The following RANBP2 variants were observed in gnomAD, a reference collection of about 807,000 sequenced individuals.
RANBP2 encodes the protein E3 SUMO-protein ligase RanBP2.
A neutral mutation model predicts 303.6 loss-of-function variants in RANBP2; 57 were observed. The observed-to-expected ratio is 0.19, with a 90% CI of 0.15 to 0.23. The LOEUF (loss-of-function observed/expected upper bound fraction) is 0.23. RANBP2 is among the 10% of genes least tolerant of loss of function. RANBP2 has a pLI of 1.00. For synonymous variants in RANBP2, 1,167 were observed against 1,301.5 expected (o/e 0.90, Z 2.23); for missense variants, 3,138 against 3,780.8 (o/e 0.83, Z 4.46).
At chr2:109,363,968 C>G in the RANBP2 span, among the ~76,000 whole-genome samples, 347 of 152,128 alleles carry the variant, frequency 2.3e-3, 1 homozygote, top group African/African-American at 7.5e-3. Context: ...GCTTGTTGTT[C>G]TCTGAGCTTC....
At chr2:109,067,971 G>C in the RANBP2 span, among the ~76,000 whole-genome samples, 1 of 152,176 alleles carries the variant, frequency 6.6e-6, no homozygotes, top group Non-Finnish European at 1.5e-5. Context: ...CTGCTCTGGG[G>C]ACTTTGCTCT....
chr2:109,049,544 A>G, the RANBP2 span, among the ~76,000 whole-genome samples: 1 of 152,168 alleles, frequency 6.6e-6, no homozygotes. Flanking sequence ...AGGAGCAGGC[A>G]TGGCCAGGCT....
chr2:108,872,919 A>G, the RANBP2 span, among the ~76,000 whole-genome samples: 2 of 152,212 alleles, frequency 1.3e-5, no homozygotes, highest in Admixed American at 6.5e-5. Flanking sequence ...ATAAAAGTCC[A>G]GAGTCTCATC....
chr2:109,540,928 A>G, the RANBP2 span, among the ~76,000 whole-genome samples: 2 of 152,202 alleles, frequency 1.3e-5, no homozygotes, highest in African/African-American at 2.4e-5. Context: ...AACTACATAC[A>G]GCTGCTTTTT....
chr2:109,554,017 A>G, the RANBP2 span, among the ~76,000 whole-genome samples: 3 of 152,248 alleles, frequency 2.0e-5, no homozygotes, highest in African/African-American at 4.8e-5. Context: ...TTCGTATGGT[A>G]TATTTCTGGT....
the RANBP2 span, among the ~76,000 whole-genome samples, chr2:108,840,549 G>A: frequency 2.0e-5 from 3 of 152,274 alleles, no homozygotes; most frequent in Non-Finnish European, 4.4e-5. Context: ...TCGATGATTT[G>A]TAGTAGTTTG....
the RANBP2 span, among the ~76,000 whole-genome samples, chr2:108,984,229 C>A: frequency 1.3e-5 from 2 of 152,082 alleles, no homozygotes; most frequent in Middle Eastern, 3.2e-3. Context: ...TGCACCTCAG[C>A]CAAGCCAACT....
the RANBP2 span, among the ~76,000 whole-genome samples, chr2:108,942,271 A>G: frequency 2.6e-5 from 4 of 152,246 alleles, no homozygotes; most frequent in African/African-American, 9.6e-5. Context: ...CTAAGGTCAC[A>G]CAGACAGAGG....
the RANBP2 span, chr2:109,371,547 G>T: frequency 6.4e-7 from 1 of 1,560,922 alleles, no homozygotes; most frequent in Non-Finnish European, 8.8e-7. Flanking sequence ...TTGTGTGTGT[G>T]TCCGTATGCT....
chr2:108,728,354 C>T (rs1573693872), intron 1 of RANBP2, among the ~76,000 whole-genome samples: 2 of 152,272 alleles, frequency 1.3e-5, no homozygotes, highest in Admixed American at 1.3e-4. Flanking sequence ...AGTGCAGTGT[C>T]ACAGTCATAA....
chr2:108,932,964 C>T, the RANBP2 span, among the ~76,000 whole-genome samples: 1 of 152,164 alleles, frequency 6.6e-6, no homozygotes, highest in East Asian at 1.9e-4. Context: ...CCGAGTACAA[C>T]AGCACATGCC....
At chr2:109,352,787 G>T in the RANBP2 span, among the ~76,000 whole-genome samples, 144 of 152,332 alleles carry the variant, frequency 9.5e-4, 1 homozygote, top group African/African-American at 3.2e-3. Flanking sequence ...AACTCGCAGG[G>T]CACGGGGCAG....
chr2:109,396,837 C>T, the RANBP2 span, among the ~76,000 whole-genome samples: 1 of 152,240 alleles, frequency 6.6e-6, no homozygotes, highest in Non-Finnish European at 1.5e-5. Context: ...CCCCAGGTAG[C>T]CTGCACTTCC....
the RANBP2 span, among the ~76,000 whole-genome samples, chr2:109,202,895 G>A: frequency 2.0e-5 from 3 of 152,224 alleles, no homozygotes; most frequent in Admixed American, 6.5e-5. Context: ...GCACAGTTTT[G>A]TCCCGATAGT....
chr2:108,771,895 AT>A, intron 21 of RANBP2, 24 bp downstream of exon 21: 1 of 1,613,780 alleles, frequency 6.2e-7, no homozygotes, highest in Non-Finnish European at 8.5e-7. Context: ...TATTTCAAAA[AT>A]CCTCTGTTCC....
chr2:109,227,834 A>G, the RANBP2 span, among the ~76,000 whole-genome samples: 1 of 152,170 alleles, frequency 6.6e-6, no homozygotes, highest in East Asian at 1.9e-4. Context: ...CACTCTGGCA[A>G]TCTCCCTTGG....
chr2:109,041,723 T>C, the RANBP2 span, among the ~76,000 whole-genome samples: 2 of 137,722 alleles, frequency 1.5e-5, no homozygotes, highest in Non-Finnish European at 3.1e-5. Flanking sequence ...GTATTTTTAC[T>C]AGAGACAGGG....
chr2:109,002,656 G>A, the RANBP2 span, among the ~76,000 whole-genome samples: 1 of 152,266 alleles, frequency 6.6e-6, no homozygotes, highest in Admixed American at 6.5e-5. Flanking sequence ...TCCAGCAGGT[G>A]GGAGAGTCCC....
chr2:108,864,761 T>C, the RANBP2 span, among the ~76,000 whole-genome samples: 2 of 140,072 alleles, frequency 1.4e-5, no homozygotes, highest in African/African-American at 2.7e-5. Context: ...GCCTCTGCAC[T>C]CCAGCCTGGG....
Sources: allele counts gnomAD v4.1 joint callset (sites outside exome capture counted in the v4.1 genomes callset), GRCh38; gene constraint gnomAD v4.1.1; transcripts MANE v1.5; gene names NCBI Gene and HGNC (gene_info 2026-07-23, HGNC 2026-07-21).